The following OTOF variants were observed in gnomAD, a reference collection of about 807,000 sequenced individuals.
OTOF encodes fer-1-like family member 2.
A neutral mutation model predicts 236.8 loss-of-function variants in OTOF; 218 were observed. The ratio of observed to expected loss-of-function variants is 0.92; its 90% confidence interval spans 0.82 to 1.03. The LOEUF (loss-of-function observed/expected upper bound fraction) is 1.03, where lower values mean the gene tolerates loss of function less well. OTOF is among the 50% of genes least tolerant of loss of function. OTOF has a pLI of 0.00. For synonymous variants in OTOF, 1,041 were observed against 1,072.5 expected, an observed-to-expected ratio of 0.97 and a Z score of 0.57; for missense variants, 2,590 against 2,694.4, an observed-to-expected ratio of 0.96 and a Z score of 0.86.
chr2:26,524,992 G>C (rs1231446898), intron 3 of OTOF, among the ~76,000 whole-genome samples: 1 of 152,188 alleles, frequency 6.6e-6, no homozygotes, highest in Non-Finnish European at 1.5e-5. Context: ...CACCCACTTG[G>C]TCTGTGTGTG....
chr2:26,478,056 G>C (rs115990917), intron 18 of OTOF: 15,397 of 1,430,086 alleles, frequency 0.011, 91 homozygotes, highest in Middle Eastern at 0.026. Flanking sequence ...CGGGGCTCAG[G>C]GCTGGCCAGA....
chr2:26,463,448 C>A (rs376051912), intron 41 of OTOF, 35 bp downstream of exon 41: 2 of 1,520,284 alleles, frequency 1.3e-6, no homozygotes, highest in Admixed American at 3.8e-5. Flanking sequence ...TGGGGTGGGC[C>A]GGAAGGGAGT....
rs774409450 is a variant in OTOF, at chr2:26,477,249, C to T, written c.2446G>A (p.Val816Met). The change falls in exon 21 of 47, where the codon GTG (valine) becomes ATG (methionine). Residue 816 changes from valine to methionine, a missense_variant. Val to Met is a conservative substitution (Grantham distance 21, BLOSUM62 1). Transcript: ENST00000272371. The surrounding 1 kb of genome is among the most constrained non-coding windows in gnomAD (Gnocchi z 4.7). ...TTGTCCCGCACCGTGTGCCGCTTCA[C>T]CTGGGCCCGCAGCATCCTGGCCTGC... Reference protein sequence around the residue: ...GQQARMLRAQVKRHTVRDKLR... With the variant: ...GQQARMLRAQMKRHTVRDKLR... 6.2e-7 allele frequency: 1 copy of T among 1,609,526 alleles called. No homozygotes were observed. The highest frequency in any genetic ancestry group is 1.7e-5 in the Admixed American group (1 of 59,748).
intron 5 of OTOF, among the ~76,000 whole-genome samples, chr2:26,509,637 C>T (rs913846430): frequency 6.6e-6 from 1 of 152,182 alleles, no homozygotes; most frequent in Non-Finnish European, 1.5e-5. Context: ...CTGATATTTC[C>T]ATGATATCTT....
rs1558464033 is a variant in OTOF at position 26,460,081 on chromosome 2, CGAG to C, written c.5935_5937del (p.Leu1979del). The C allele has an allele frequency of 1.3e-6, 2 of 1,576,064 alleles. No homozygotes were observed. The highest frequency in any genetic ancestry group is 3.6e-4 in the Middle Eastern group (2 of 5,606). On this transcript the variant is annotated inframe_deletion, in exon 46 of 47. Transcript: ENST00000272371. This position sits in a 1 kb window ranked among gnomAD's most constrained non-coding sequence, Gnocchi z 5.3. Reference sequence around the variant, plus strand: ...CCAGGCACAGAGTAGAGGAACAGGGCGAGGAGGAGGAGCAGCAGCAGGAGCAGC... The same window carrying C: ...CCAGGCACAGAGTAGAGGAACAGGGCGAGGAGGAGCAGCAGCAGGAGCAGC...
rs767544672 is a variant in OTOF at position 26,480,283 on chromosome 2, A to T, written c.1832T>A (p.Phe611Tyr). 4 of 1,611,734 alleles carry T rather than the reference A, an allele frequency of 2.5e-6. No individual in the cohort carries two copies. In the South Asian group the frequency reaches 4.4e-5, roughly 18 times the overall value. ...ESCAGKMEEF[F>Y]LFGAFLEASM... Reference sequence around the variant, plus strand: ...GGCCTCCAGGAAGGCTCCAAAGAGAAAGAATTCTTCCATTTTACCTGCACA... The same window carrying T: ...GGCCTCCAGGAAGGCTCCAAAGAGATAGAATTCTTCCATTTTACCTGCACA... Residue 611 changes from phenylalanine (F) to tyrosine (Y), a missense_variant, in exon 16 of 47, where the codon TTT becomes TAT. Coordinates refer to ENST00000272371, the MANE Select transcript of OTOF (RefSeq NM_194248.3).
chr2:26,497,740 A>G (rs1666024511), intron 8 of OTOF, among the ~76,000 whole-genome samples: 1 of 152,238 alleles, frequency 6.6e-6, no homozygotes, highest in South Asian at 2.1e-4. Context: ...TGACAAAGGG[A>G]CGGAAGTAAA....
At chr2:26,544,538 A>G (rs1466803643) in intron 1 of OTOF, among the ~76,000 whole-genome samples, 1 of 152,180 alleles carries the variant, frequency 6.6e-6, no homozygotes, top group African/African-American at 2.4e-5. Context: ...TTGTAGAGTA[A>G]TAGCCCGTTG....
chr2:26,515,918 G>A (rs1350108680), intron 5 of OTOF, among the ~76,000 whole-genome samples: 2 of 152,210 alleles, frequency 1.3e-5, no homozygotes, highest in Non-Finnish European at 2.9e-5. Flanking sequence ...GGGGTTCCCG[G>A]GTACCCTCCC....
intron 4 of OTOF, among the ~76,000 whole-genome samples, chr2:26,516,828 C>T (rs967402235): frequency 9.2e-5 from 14 of 152,248 alleles, no homozygotes; most frequent in African/African-American, 2.6e-4. Context: ...CTCCAGGTCC[C>T]GCTGCTGGTG....
chr2:26,513,596 C>G (rs1166896679), intron 5 of OTOF, among the ~76,000 whole-genome samples: 4 of 152,244 alleles, frequency 2.6e-5, no homozygotes, highest in African/African-American at 9.6e-5. Flanking sequence ...CGGTGAGACA[C>G]TGCTGCTTGC....
At chr2:26,532,903 G>A (rs1468906947) in intron 2 of OTOF, among the ~76,000 whole-genome samples, 1 of 152,182 alleles carries the variant, frequency 6.6e-6, no homozygotes, top group Non-Finnish European at 1.5e-5. Context: ...AATCAGCAAG[G>A]TAGCATCCTT....
intron 1 of OTOF, among the ~76,000 whole-genome samples, chr2:26,556,026 G>A (rs1038348260): frequency 6.6e-6 from 1 of 152,168 alleles, no homozygotes; most frequent in Non-Finnish European, 1.5e-5. Flanking sequence ...AATAGCCCAG[G>A]AGGGCTCTTT....
At position 26,501,814 on chromosome 2, in the gene OTOF, G is replaced by A; in HGVS notation, c.711-6C>T. 1.2e-6 allele frequency: 2 copies of A among 1,611,976 alleles called. No homozygotes were observed. Among genetic ancestry groups the A allele is most frequent in the South Asian group, 2.2e-5 (2 of 91,042 alleles). ...TCTTAATGTCTGGCTTAGATCTGAG[G>A]AAGAGAATGTACCATCAGGCCTGGG... On this transcript the variant is annotated splice_polypyrimidine_tract_variant and splice_region_variant and intron_variant, in intron 7 of 46. Transcript: ENST00000272371.
At position 26,457,864 on chromosome 2, in the gene OTOF, C is replaced by T; in HGVS notation, c.*374G>A. 1.5e-6 allele frequency: 1 copy of T among 661,616 alleles called. No individual in the cohort carries two copies. Among genetic ancestry groups the T allele is most frequent in the Non-Finnish European group, 2.6e-6 (1 of 385,522 alleles). 41.0% of individuals were successfully genotyped at this position (661,616 alleles called of 1,614,324 possible). A position where few individuals can be genotyped will look rare whatever the true frequency, so the allele number is the denominator to read the frequency against. On this transcript the variant is annotated 3_prime_UTR_variant, in exon 47 of 47. Coordinates refer to ENST00000272371, the MANE Select transcript of OTOF (RefSeq NM_194248.3). The surrounding 1 kb of genome is among the most constrained non-coding windows in gnomAD (Gnocchi z 4.4). The stretch of plus-strand genomic sequence containing the variant: ...GGTCAGAGGGGCGGGACTGGGCAAG[C>T]CGCAGCCTGGGGCAGTGAGGACAGG...
rs1463765293 is a variant in OTOF at position 26,483,665 on chromosome 2, C to T, written c.1206-17G>A. The T allele has an allele frequency of 6.2e-7, 1 of 1,610,198 alleles. No individual in the cohort carries two copies. The highest frequency in any genetic ancestry group is 1.7e-5 in the Admixed American group (1 of 59,886). On this transcript the variant is annotated splice_polypyrimidine_tract_variant and intron_variant, in intron 12 of 46. Coordinates refer to ENST00000272371, the MANE Select transcript of OTOF (RefSeq NM_194248.3). Reference sequence around the variant, plus strand: ...AGCAAGTTCCTGCCAGCACATACAGCCAGGGCCATGGTCACCAGGTCCAGG... The same window carrying T: ...AGCAAGTTCCTGCCAGCACATACAGTCAGGGCCATGGTCACCAGGTCCAGG...
intron 5 of OTOF, among the ~76,000 whole-genome samples, chr2:26,511,866 C>T (rs1453667041): frequency 1.3e-5 from 2 of 152,190 alleles, no homozygotes; most frequent in Non-Finnish European, 2.9e-5. Flanking sequence ...TCTCTAGGGG[C>T]TGTGGAAACC....
rs988597073 is a variant in OTOF, at chr2:26,473,712, C to G, written c.3409-145G>C. The G allele has an allele frequency of 1.4e-5, 13 of 949,712 alleles. No homozygotes were observed. In the Admixed American group the frequency reaches 2.7e-4, roughly 19 times the overall value. The allele number at this position is 949,712 out of a possible 1,614,324, so 58.8% of individuals were successfully genotyped here. The stretch of plus-strand genomic sequence containing the variant: ...AGATTTCAAAGGGTGGGAGCAGGGC[C>G]AGGAGAGCAGAGGAGGGGCAGGCGT... On this transcript the variant is annotated intron_variant, in intron 27 of 46. Transcript: ENST00000272371. This position sits in a 1 kb window ranked among gnomAD's most constrained non-coding sequence, Gnocchi z 7.2.
chr2:26,513,838 G>T (rs1358636264), intron 5 of OTOF, among the ~76,000 whole-genome samples: 3 of 152,150 alleles, frequency 2.0e-5, no homozygotes, highest in Non-Finnish European at 4.4e-5. Context: ...CTGATAAAAG[G>T]TTGGCCAAGT....
Sources: allele counts gnomAD v4.1 joint callset (sites outside exome capture counted in the v4.1 genomes callset), GRCh38; gene constraint gnomAD v4.1.1; non-coding constraint Gnocchi (gnomAD v3.1); transcripts MANE v1.5; gene names NCBI Gene and HGNC (gene_info 2026-07-23, HGNC 2026-07-21).